The following PACRG variants were observed in gnomAD, a reference collection of about 807,000 sequenced individuals.
PACRG encodes the protein parkin coregulated gene protein.
PACRG carries 29 observed loss-of-function variants against 29.7 expected under a neutral mutation model. The ratio of observed to expected loss-of-function variants is 0.98; its 90% CI spans 0.73 to 1.33. The LOEUF is 1.33. Ranked by LOEUF, PACRG falls within the 40% of genes most tolerant of loss-of-function variation. The pLI is 0.00. For synonymous variants in PACRG, 116 were observed against 118.7 expected (o/e 0.98, Z 0.15); for missense variants, 279 against 316.2 (o/e 0.88, Z 0.89).
At chr6:163,290,359 G>A (rs955363242) in intron 4 of PACRG, among the ~76,000 whole-genome samples, 1 of 151,932 alleles carries the variant, frequency 6.6e-6, no homozygotes, top group African/African-American at 2.4e-5. Context: ...TGGGGATTGG[G>A]TTACATTCAT....
intron 4 of PACRG, among the ~76,000 whole-genome samples, chr6:163,295,900 C>T (rs1784764981): frequency 6.6e-6 from 1 of 152,182 alleles, no homozygotes; most frequent in African/African-American, 2.4e-5. Flanking sequence ...ATGCCTGACA[C>T]CTTGCTTCCC....
At chr6:163,209,232 A>G (rs902471057) in intron 4 of PACRG, among the ~76,000 whole-genome samples, 5 of 152,180 alleles carry the variant, frequency 3.3e-5, no homozygotes, top group African/African-American at 1.2e-4. Context: ...TACCATCCAA[A>G]TTTCTCAGTA....
chr6:163,153,655 A>G (rs1474073566), intron 4 of PACRG, among the ~76,000 whole-genome samples: 2 of 152,234 alleles, frequency 1.3e-5, no homozygotes, highest in East Asian at 3.8e-4. Context: ...ATTAAATACA[A>G]TGGAAGTCAA....
chr6:162,736,710 A>C (rs1186703825), intron 1 of PACRG, among the ~76,000 whole-genome samples: 1 of 151,920 alleles, frequency 6.6e-6, no homozygotes, highest in African/African-American at 2.4e-5. Flanking sequence ...ACATGTTAAA[A>C]ATTATTTAGA....
rs78226739 is a variant in PACRG at position 163,094,628 on chromosome 6, A to G, written c.613+5220A>G. Among the ~76,000 whole-genome samples the G allele has an allele frequency of 8.9e-3, 1,348 of 152,248 alleles. 11 individuals carry two copies. The highest frequency in any genetic ancestry group is 0.03 in the African/African-American group (1,247 of 41,510). ...TTGTGTTGGTCTTTCCTTTTCTTAT[A>G]TAGAGCTTGGCACACCTAGTAGAAT... is the stretch of plus-strand genomic sequence containing the variant. On this transcript the variant is annotated intron_variant, in intron 4 of 4. Coordinates refer to ENST00000366888, the MANE Select transcript of PACRG (RefSeq NM_001080379.2).
At chr6:163,247,785 C>T (rs1323556767) in intron 4 of PACRG, among the ~76,000 whole-genome samples, 2 of 152,172 alleles carry the variant, frequency 1.3e-5, no homozygotes, top group African/African-American at 4.8e-5. Flanking sequence ...TGTCCCATCT[C>T]ATCAGTAAAC....
chr6:163,121,133 A>G (rs1816247242), intron 4 of PACRG, among the ~76,000 whole-genome samples: 1 of 152,244 alleles, frequency 6.6e-6, no homozygotes, highest in Non-Finnish European at 1.5e-5. Flanking sequence ...TGCCTGAAAT[A>G]TGGTTTGAGG....
rs746185048 is a variant in PACRG at position 162,787,580 on chromosome 6, G to GTATCTATATATATA, written c.157-26566_157-26565insATCTATATATATAT. Among the ~76,000 whole-genome samples, 88 of 69,134 alleles carry GTATCTATATATATA rather than the reference G, an allele frequency of 1.3e-3. 3 individuals carry two copies. Among genetic ancestry groups the GTATCTATATATATA allele is most frequent in the East Asian group, 4.0e-3 (6 of 1,502 alleles). The allele number at this position is 69,134 out of a possible 152,430, so 45.4% of individuals were successfully genotyped here. A position where few individuals can be genotyped will look rare whatever the true frequency, so the allele number is the denominator to read the frequency against. ...TTATTGTGTGTGTGTGTGTGTGTGT[G>GTATCTATATATATA]TGTATATATATATATATATATATAT... is the stretch of plus-strand genomic sequence containing the variant. On this transcript the variant is annotated intron_variant, in intron 1 of 4. Transcript: ENST00000366888.
intron 4 of PACRG, among the ~76,000 whole-genome samples, chr6:163,198,913 A>G (rs908111489): frequency 6.6e-6 from 1 of 152,208 alleles, no homozygotes; most frequent in African/African-American, 2.4e-5. Flanking sequence ...AAGGCAGGAC[A>G]ACTTGAAGCA....
chr6:162,760,092 G>A (rs964782328), intron 1 of PACRG, among the ~76,000 whole-genome samples: 1 of 152,138 alleles, frequency 6.6e-6, no homozygotes, highest in African/African-American at 2.4e-5. Flanking sequence ...CTTGGTACAC[G>A]AGAGCTCTTC....
chr6:162,938,368 C>T (rs938372605), intron 2 of PACRG, among the ~76,000 whole-genome samples: 1 of 152,214 alleles, frequency 6.6e-6, no homozygotes. Context: ...CATGCATGTG[C>T]AAGTATCTTT....
At chr6:163,205,346 T>C (rs923217313) in intron 4 of PACRG, among the ~76,000 whole-genome samples, 2 of 152,170 alleles carry the variant, frequency 1.3e-5, no homozygotes, top group Non-Finnish European at 2.9e-5. Flanking sequence ...CAAAACAGCA[T>C]GTACTGGTAT....
intron 2 of PACRG, among the ~76,000 whole-genome samples, chr6:163,029,270 C>T (rs1239372898): frequency 2.0e-5 from 3 of 152,154 alleles, no homozygotes; most frequent in Admixed American, 6.5e-5. Flanking sequence ...TGTCAGCCTG[C>T]GAGACCCATC....
intron 1 of PACRG, among the ~76,000 whole-genome samples, chr6:162,753,011 G>A (rs1375151217): frequency 2.6e-5 from 4 of 151,772 alleles, no homozygotes; most frequent in Non-Finnish European, 5.9e-5. Context: ...CATTTTGGGG[G>A]CACAATGTGA....
chr6:162,773,937 A>T (rs1313139890), intron 1 of PACRG, among the ~76,000 whole-genome samples: 1 of 152,134 alleles, frequency 6.6e-6, no homozygotes, highest in Non-Finnish European at 1.5e-5. Context: ...CTCTGCTTTT[A>T]AAAAAATGAA....
intron 2 of PACRG, among the ~76,000 whole-genome samples, chr6:163,046,018 A>C (rs1483312675): frequency 6.6e-6 from 1 of 151,896 alleles, no homozygotes; most frequent in Admixed American, 6.6e-5. Flanking sequence ...AATCATCTCT[A>C]TTTCCCTTGA....
intron 1 of PACRG, among the ~76,000 whole-genome samples, chr6:162,745,199 T>C (rs1780894021): frequency 6.6e-6 from 1 of 152,142 alleles, no homozygotes; most frequent in South Asian, 2.1e-4. Flanking sequence ...CACTACTGAA[T>C]AGCCATAAAA....
chr6:162,815,388 G>T (rs1787247951), intron 2 of PACRG, among the ~76,000 whole-genome samples: 1 of 149,266 alleles, frequency 6.7e-6, no homozygotes, highest in East Asian at 2.0e-4. Flanking sequence ...CACATTGAAA[G>T]GATTATTGCA....
chr6:163,091,442 G>C (rs189894435), intron 4 of PACRG, among the ~76,000 whole-genome samples: 61 of 152,330 alleles, frequency 4.0e-4, no homozygotes, highest in African/African-American at 1.4e-3. Context: ...TCATACGAGA[G>C]TCCTTAATTG....
Sources: gnomAD v4.1 joint callset for allele counts (sites outside exome capture counted in the v4.1 genomes callset) on GRCh38, gnomAD v4.1.1 for gene constraint, MANE v1.5 for transcripts, NCBI Gene and HGNC (gene_info 2026-07-23, HGNC 2026-07-21) for gene names.